ST7L: variants seen among roughly 807,000 people sequenced by gnomAD.
ST7L encodes the protein suppressor of tumorigenicity 7 protein-like.
Under a neutral mutation model 72.5 loss-of-function variants are expected in ST7L, and 57 were observed. That is an observed-to-expected ratio of 0.79 (90% CI 0.64 to 0.98). The LOEUF (loss-of-function observed/expected upper bound fraction) is 0.98, where lower values mean the gene tolerates loss of function less well. Ranked by LOEUF, ST7L falls within the 50% of genes least tolerant of loss-of-function variation. The pLI, the probability that ST7L is intolerant of heterozygous loss-of-function variation, is 0.00. For synonymous variants in ST7L, 221 were observed against 240.9 expected (o/e 0.92, Z 0.77); for missense variants, 576 against 672.2 (o/e 0.86, Z 1.58).
chr1:112,590,433 G>A (rs1463246949), intron 6 of ST7L, among the ~76,000 whole-genome samples: 3 of 152,146 alleles, frequency 2.0e-5, no homozygotes, highest in African/African-American at 7.2e-5. Context: ...TTTTAATAAA[G>A]TTGATCCTGC....
At chr1:112,598,595 TAA>T (rs554437335) in intron 4 of ST7L, among the ~76,000 whole-genome samples, 1 of 132,450 alleles carries the variant, frequency 7.6e-6, no homozygotes, top group Non-Finnish European at 1.6e-5. Context: ...ATTTTTTAAC[TAA>T]AAAAAAAAAA....
chr1:112,536,764 T>C (rs1570889852), intron 14 of ST7L, among the ~76,000 whole-genome samples: 1 of 152,144 alleles, frequency 6.6e-6, no homozygotes. Flanking sequence ...AAATTCATCA[T>C]TGGCATGTCC....
chr1:112,540,448 T>C lies in ST7L; in HGVS notation c.1629+1503A>G, dbSNP rs569840386. The C allele has an allele frequency of 4.7e-5, 46 of 985,492 alleles. No individual in the cohort carries two copies. In the African/African-American group the frequency reaches 7.8e-4, roughly 17 times the overall value. The allele number at this position is 985,492 out of a possible 1,614,324, so 61.0% of individuals were successfully genotyped here. On this transcript the variant is annotated intron_variant, in intron 14 of 14. Transcript: ENST00000358039. The stretch of plus-strand genomic sequence containing the variant: ...AACAGTTATGAGTATGATCACTAAG[T>C]GTTCATTTTACACTGAAAAGAAATA...
At chr1:112,607,796 G>A (rs1431120379) in intron 3 of ST7L, among the ~76,000 whole-genome samples, 3 of 152,110 alleles carry the variant, frequency 2.0e-5, no homozygotes, top group Non-Finnish European at 4.4e-5. Context: ...AAGATAATTA[G>A]TTTCATTTTG....
At chr1:112,577,125 T>TA (rs35465361) in intron 10 of ST7L, 37 bp from the exon 11 acceptor site, 119 of 1,320,382 alleles carry the variant, frequency 9.0e-5, no homozygotes, top group Middle Eastern at 5.8e-4. Context: ...ATAAATATGC[T>TA]AAAAAAAAGA....
intron 4 of ST7L, among the ~76,000 whole-genome samples, chr1:112,600,349 T>G (rs1208659499): frequency 6.6e-6 from 1 of 152,104 alleles, no homozygotes; most frequent in Non-Finnish European, 1.5e-5. Flanking sequence ...CTACCAAAAA[T>G]TTAAAAAAAT....
chr1:112,592,555 T>C (rs938787920), intron 5 of ST7L, among the ~76,000 whole-genome samples: 4 of 152,208 alleles, frequency 2.6e-5, no homozygotes, highest in African/African-American at 9.6e-5. Flanking sequence ...CATCTGATAC[T>C]GGCCAGGTAA....
chr1:112,582,211 A>AC (rs1664232561), intron 8 of ST7L, 105 bp from the exon 9 acceptor site: 1 of 958,296 alleles, frequency 1.0e-6, no homozygotes, highest in Non-Finnish European at 1.6e-6. Context: ...CATAGCTGTG[A>AC]AGAAGACCTA....
At position 112,525,964 on chromosome 1, in the gene ST7L, T is replaced by C. The variant is rs1311069328; in HGVS notation, c.*49A>G. The C allele has an allele frequency of 6.2e-7, 1 of 1,611,034 alleles. No homozygotes were observed. The highest frequency in any genetic ancestry group is 8.5e-7 in the Non-Finnish European group (1 of 1,177,720). ...GGTTACTGTCACTTTACAGATGCTG[T>C]TCAGAAAAATTTGGTGATTTGTCCA... On this transcript the variant is annotated 3_prime_UTR_variant, in exon 15 of 15. Coordinates refer to ENST00000358039, the MANE Select transcript of ST7L (RefSeq NM_017744.5).
chr1:112,602,099 A>AAG (rs1667504992), intron 3 of ST7L, among the ~76,000 whole-genome samples: 1 of 150,424 alleles, frequency 6.6e-6, no homozygotes, highest in African/African-American at 2.5e-5. Context: ...AAAAAAAAAA[A>AAG]AAAAGAAAAG....
intron 11 of ST7L, among the ~76,000 whole-genome samples, chr1:112,565,211 A>ATTTTT (rs777969643): frequency 0.01 from 584 of 57,940 alleles, 35 homozygotes; most frequent in African/African-American, 0.012. Context: ...TGTTCGGCTA[A>ATTTTT]TTTTTTTTTT....
At chr1:112,562,638 C>G (rs983432028) in intron 11 of ST7L, among the ~76,000 whole-genome samples, 4 of 152,028 alleles carry the variant, frequency 2.6e-5, no homozygotes, top group African/African-American at 9.7e-5. Context: ...ATGACCAATC[C>G]AGGGAACAGT....
chr1:112,531,246 G>A (rs998819999), intron 14 of ST7L, among the ~76,000 whole-genome samples: 1 of 152,222 alleles, frequency 6.6e-6, no homozygotes, highest in African/African-American at 2.4e-5. Flanking sequence ...TAAAATGTAT[G>A]AGTGTAGAGC....
At chr1:112,539,606 A>G (rs887686279) in intron 14 of ST7L, 6 of 761,648 alleles carry the variant, frequency 7.9e-6, no homozygotes, top group African/African-American at 5.8e-5. Flanking sequence ...CAGTGAGCTG[A>G]GATCACGCCA....
chr1:112,583,980 G>A lies in ST7L; in HGVS notation c.848C>T (p.Ala283Val). Residue 283 changes from alanine (A) to valine (V), a missense_variant, in exon 7 of 15, where the codon GCT becomes GTT. Ala to Val is a moderately conservative substitution (Grantham distance 64). Transcript: ENST00000358039. Reference protein sequence around the residue: ...QCQHQSPQHEAQLRRDTNVLV... With the variant: ...QCQHQSPQHEVQLRRDTNVLV... Reference sequence around the variant, plus strand: ...AGTTCAAACTTGCTTACTCAGTTGAGCTTCATGCTGAGGACTTTGGTGCTG... The same window carrying A: ...AGTTCAAACTTGCTTACTCAGTTGAACTTCATGCTGAGGACTTTGGTGCTG... The A allele has an allele frequency of 6.2e-7, 1 of 1,613,784 alleles. No homozygotes were observed. The highest frequency in any genetic ancestry group is 8.5e-7 in the Non-Finnish European group (1 of 1,179,868).
At chr1:112,578,496 C>A in intron 9 of ST7L, 79 bp from the exon 10 acceptor site, 1 of 1,298,344 alleles carries the variant, frequency 7.7e-7, no homozygotes, top group Non-Finnish European at 1.1e-6. Flanking sequence ...TAATTCACGG[C>A]CAGGCATGGT....
chr1:112,584,725 T>A (rs1288781834), intron 6 of ST7L, among the ~76,000 whole-genome samples: 1 of 152,130 alleles, frequency 6.6e-6, no homozygotes, highest in East Asian at 1.9e-4. Flanking sequence ...TGATCTCAGG[T>A]GATCCACCTG....
In ST7L at chr1:112,523,840, C is replaced by G. The variant is rs1005268142; in HGVS notation, c.*2173G>C. 2 of 152,070 alleles carry G rather than the reference C, an allele frequency of 1.3e-5. No individual in the cohort carries two copies. The highest frequency in any genetic ancestry group is 2.4e-5 in the African/African-American group (1 of 41,384). 9.4% of individuals were successfully genotyped at this position (152,070 alleles called of 1,614,324 possible). A position where few individuals can be genotyped will look rare whatever the true frequency, so the allele number is the denominator to read the frequency against. ...TGACTGAAGTACCTCAGCTGCGCAG[C>G]CTGTAGCCAGTTTTTTTAATGTAAA... On this transcript the variant is annotated 3_prime_UTR_variant, in exon 15 of 15. Coordinates refer to ENST00000358039, the MANE Select transcript of ST7L (RefSeq NM_017744.5).
At chr1:112,533,593 C>T (rs549243139) in intron 14 of ST7L, among the ~76,000 whole-genome samples, 8 of 151,208 alleles carry the variant, frequency 5.3e-5, no homozygotes, top group South Asian at 4.2e-4. Context: ...GGATTACAGG[C>T]GTGAACCACC....
Sources: gnomAD v4.1 joint callset for allele counts (sites outside exome capture counted in the v4.1 genomes callset) on GRCh38, gnomAD v4.1.1 for gene constraint, MANE v1.5 for transcripts, NCBI Gene and HGNC (gene_info 2026-07-23, HGNC 2026-07-21) for gene names.